Variants in TECRL observed in about 807,000 individuals in gnomAD.
TECRL encodes the protein trans-2,3-enoyl-CoA reductase-like.
In TECRL, 63 loss-of-function variants were observed where a neutral mutation model predicts 52.8. That is an observed-to-expected ratio of 1.19 (90% CI 0.97 to 1.47). The LOEUF is 1.47. Among genes scored for constraint, TECRL ranks in the 40% most tolerant of loss-of-function variants. The pLI is 0.00. For synonymous variants in TECRL, 164 were observed against 141.9 expected (o/e 1.16, Z -1.10); for missense variants, 482 against 429.6 (o/e 1.12, Z -1.08).
At chr4:64,350,619 T>G (rs929760742) in intron 2 of TECRL, among the ~76,000 whole-genome samples, 4 of 152,176 alleles carry the variant, frequency 2.6e-5, no homozygotes, top group Non-Finnish European at 5.9e-5. Context: ...GATTGCCATT[T>G]GGAATGTGGT....
intron 2 of TECRL, among the ~76,000 whole-genome samples, chr4:64,333,945 ACC>A (rs1718843981): frequency 8.1e-6 from 1 of 123,826 alleles, no homozygotes; most frequent in South Asian, 2.5e-4. Context: ...AATGGCGTGA[ACC>A]CGGGAGGCGG....
At chr4:64,359,627 A>G (rs1201998126) in intron 2 of TECRL, among the ~76,000 whole-genome samples, 2 of 152,010 alleles carry the variant, frequency 1.3e-5, no homozygotes, top group East Asian at 3.9e-4. Context: ...CTGTGCCATA[A>G]TGAGAAACAA....
At chr4:64,293,747 C>T (rs1366107012) in intron 8 of TECRL, among the ~76,000 whole-genome samples, 1 of 151,890 alleles carries the variant, frequency 6.6e-6, no homozygotes, top group Non-Finnish European at 1.5e-5. Flanking sequence ...AAAACTCACA[C>T]GTCCTAATAT....
chr4:64,282,959 C>A (rs80039398), intron 9 of TECRL, among the ~76,000 whole-genome samples: 1 of 151,894 alleles, frequency 6.6e-6, no homozygotes, highest in Non-Finnish European at 1.5e-5. Flanking sequence ...TGCTGCCCCA[C>A]CAGATTCTTC....
intron 1 of TECRL, among the ~76,000 whole-genome samples, chr4:64,385,801 T>A (rs1723141458): frequency 6.6e-6 from 1 of 152,126 alleles, no homozygotes; most frequent in Non-Finnish European, 1.5e-5. Flanking sequence ...ATACTAGTCT[T>A]GGGGCCCATG....
intron 8 of TECRL, chr4:64,298,893 G>T (rs1723843337): frequency 6.6e-6 from 1 of 151,006 alleles, no homozygotes; most frequent in African/African-American, 2.4e-5. Context: ...TACAACAGGG[G>T]TTGTAGTACG....
At chr4:64,375,702 A>T (rs1404919191) in intron 1 of TECRL, among the ~76,000 whole-genome samples, 1 of 151,880 alleles carries the variant, frequency 6.6e-6, no homozygotes, top group Non-Finnish European at 1.5e-5. Flanking sequence ...CATTATTTAA[A>T]TCCCCAAATA....
At chr4:64,407,813 G>A (rs13151060) in intron 1 of TECRL, among the ~76,000 whole-genome samples, 94,634 of 148,854 alleles carry the variant, frequency 0.64, 35,130 homozygotes, top group Non-Finnish European at 0.82. Flanking sequence ...TAAAATATTT[G>A]TGTAATATAT....
intron 2 of TECRL, among the ~76,000 whole-genome samples, chr4:64,329,129 C>A (rs1718456404): frequency 6.6e-6 from 1 of 151,810 alleles, no homozygotes; most frequent in South Asian, 2.1e-4. Context: ...ATAATTCTGT[C>A]GCTATAGAAA....
At chr4:64,328,054 G>T (rs901439343) in intron 3 of TECRL, among the ~76,000 whole-genome samples, 3 of 151,888 alleles carry the variant, frequency 2.0e-5, no homozygotes, top group South Asian at 2.1e-4. Flanking sequence ...AGATCATAGG[G>T]TTTAAAAATC....
chr4:64,320,992 T>C (rs1469363882), intron 4 of TECRL, among the ~76,000 whole-genome samples: 4 of 152,088 alleles, frequency 2.6e-5, no homozygotes, highest in Admixed American at 2.6e-4. Context: ...TTTCATTTGA[T>C]ATTCATTTAT....
chr4:64,400,775 G>A (rs1354587066), intron 1 of TECRL, among the ~76,000 whole-genome samples: 1 of 152,022 alleles, frequency 6.6e-6, no homozygotes, highest in African/African-American at 2.4e-5. Flanking sequence ...CTCCCCGTTA[G>A]CATTCTGCAA....
chr4:64,342,401 A>G (rs567773497), intron 2 of TECRL, among the ~76,000 whole-genome samples: 153 of 150,950 alleles, frequency 1.0e-3, no homozygotes, highest in Middle Eastern at 3.4e-3. Flanking sequence ...CCTTTTTTAG[A>G]AGAAGACTTG....
At chr4:64,286,215 G>GA (rs1435802764) in intron 9 of TECRL, among the ~76,000 whole-genome samples, 1 of 151,472 alleles carries the variant, frequency 6.6e-6, no homozygotes, top group East Asian at 1.9e-4. Context: ...TCCCAAAACT[G>GA]AAAATAGATA....
At chr4:64,308,033 A>T (rs1231637183) in intron 6 of TECRL, among the ~76,000 whole-genome samples, 1 of 151,932 alleles carries the variant, frequency 6.6e-6, no homozygotes, top group Non-Finnish European at 1.5e-5. Context: ...CTGGAACAAC[A>T]CCCTCTCACA....
At chr4:64,405,912 G>A (rs1724685114) in intron 1 of TECRL, among the ~76,000 whole-genome samples, 1 of 152,104 alleles carries the variant, frequency 6.6e-6, no homozygotes, top group South Asian at 2.1e-4. Flanking sequence ...AGTAAGATAA[G>A]ACGTGAGAAT....
At chr4:64,288,858 C>T (rs1237614999) in intron 9 of TECRL, among the ~76,000 whole-genome samples, 1 of 152,174 alleles carries the variant, frequency 6.6e-6, no homozygotes. Context: ...TTCTCCATGA[C>T]AGTGTCTGAC....
At chr4:64,280,637 A>G (rs1384473294) in intron 11 of TECRL, among the ~76,000 whole-genome samples, 1 of 152,182 alleles carries the variant, frequency 6.6e-6, no homozygotes, top group Non-Finnish European at 1.5e-5. Flanking sequence ...AAATCATGCA[A>G]TTCAACTTCT....
At chr4:64,345,672 C>A (rs915828094) in intron 2 of TECRL, among the ~76,000 whole-genome samples, 2 of 151,360 alleles carry the variant, frequency 1.3e-5, no homozygotes, top group Admixed American at 6.6e-5. Context: ...GCATGTTGTG[C>A]ACATGTACCC....
Sources: allele counts gnomAD v4.1 joint callset (sites outside exome capture counted in the v4.1 genomes callset), GRCh38; gene constraint gnomAD v4.1.1; transcripts MANE v1.5; gene names NCBI Gene and HGNC (gene_info 2026-07-23, HGNC 2026-07-21).